The following ESCO2 variants were observed in gnomAD, a reference collection of about 807,000 sequenced individuals.
ESCO2 encodes the protein establishment of sister chromatid cohesion N-acetyltransferase 2.
A neutral mutation model predicts 61.7 loss-of-function variants in ESCO2; 51 were observed. The ratio of observed to expected loss-of-function variants is 0.83; its 90% confidence interval spans 0.66 to 1.04. The LOEUF (loss-of-function observed/expected upper bound fraction) is 1.04, where lower values mean the gene tolerates loss of function less well. Among genes scored for constraint, ESCO2 ranks in the 50% least tolerant of loss-of-function variants. The probability of loss-of-function intolerance (pLI) is 0.00; values close to 1 mark genes in which losing one functional copy is unlikely to be tolerated. For missense variants in ESCO2, 692 were observed against 686.2 expected (o/e 1.01, Z -0.09); for synonymous variants, 230 against 238.2 (o/e 0.97, Z 0.32).
rs772577005 is a variant in ESCO2 at position 27,788,960 on chromosome 8, G to GGAAGGAA, written c.1246_1252dup (p.Ile418ArgfsTer29). On this transcript the variant is annotated frameshift_variant, in exon 7 of 11. Transcript: ENST00000305188. LOFTEE classifies it high-confidence loss of function. Reference sequence around the variant, plus strand: ...ATGTACAGCATCACCACAGGTTTCTGGAAGGAATCAAATATGTGGTGAGCC... The same window carrying GGAAGGAA: ...ATGTACAGCATCACCACAGGTTTCTGGAAGGAAGAAGGAATCAAATATGTGGTGAGCC... 1 of 1,614,046 alleles carries GGAAGGAA rather than the reference G, an allele frequency of 6.2e-7. No individual in the cohort carries two copies. Among genetic ancestry groups the GGAAGGAA allele is most frequent in the Admixed American group, 1.7e-5 (1 of 60,012 alleles).
upstream of ESCO2, chr8:27,774,335 A>T (rs1490338002): frequency 6.6e-6 from 1 of 152,108 alleles, no homozygotes; most frequent in Admixed American, 6.5e-5. Flanking sequence ...GGCCCCGGGA[A>T]CGGAGTCCGG....
At chr8:27,792,536 G>T (rs971044026) in intron 8 of ESCO2, 132 bp from the exon 9 acceptor site, 6 of 933,178 alleles carry the variant, frequency 6.4e-6, no homozygotes, top group Non-Finnish European at 7.9e-6. Context: ...AATTTTGGAG[G>T]TGTATAAATT....
intron 9 of ESCO2, among the ~76,000 whole-genome samples, chr8:27,793,087 T>G (rs1805214044): frequency 6.6e-6 from 1 of 152,222 alleles, no homozygotes; most frequent in Admixed American, 6.5e-5. Context: ...ATCTATAAAC[T>G]GAAATTTTTA....
rs758994138 is a variant in ESCO2 at position 27,781,226 on chromosome 8, A to G, written c.955+959A>G. Among the ~76,000 whole-genome samples the G allele has an allele frequency of 1.3e-4, 19 of 151,578 alleles. 1 individual carries two copies. The highest frequency in any genetic ancestry group is 2.1e-4 in the Non-Finnish European group (14 of 68,032). On this transcript the variant is annotated intron_variant, in intron 4 of 10. Transcript: ENST00000305188. ...TAGGTCCTGATATGCCCATTTATAG[A>G]TGAGGAAATGGACTTGGGTTAAGTA...
At chr8:27,807,084 T>C (rs1458819800), downstream of ESCO2, among the ~76,000 whole-genome samples, 3 of 152,236 alleles carry the variant, frequency 2.0e-5, no homozygotes, top group Non-Finnish European at 4.4e-5. Flanking sequence ...AGTTTTCTTT[T>C]AGAATCTTAC....
intron 6 of ESCO2, 72 bp downstream of exon 6, chr8:27,788,074 C>A: frequency 9.8e-7 from 1 of 1,019,968 alleles, no homozygotes; most frequent in Non-Finnish European, 1.5e-6. Flanking sequence ...CTGTATTAGA[C>A]AGTTCAGAAC....
At chr8:27,800,697 T>C (rs2128957941) in intron 10 of ESCO2, among the ~76,000 whole-genome samples, 1 of 152,264 alleles carries the variant, frequency 6.6e-6, no homozygotes, top group South Asian at 2.1e-4. Context: ...GTGTAAATAA[T>C]CCAATCTGTG....
At position 27,777,139 on chromosome 8, in the gene ESCO2, A is replaced by G; in HGVS notation, c.831A>G (p.Ala277=). The change falls in exon 3 of 11, where the codon GCA becomes GCG. Residue 277 remains alanine, a synonymous_variant. Coordinates refer to ENST00000305188, the MANE Select transcript of ESCO2 (RefSeq NM_001017420.3). ...AATTGAAAATTGGACTACTGAGTGC[A>G]AGCAGTAAAAATAAAGAGAAATTAA... ...EEKLKIGLLS[A]SSKNKEKLIK... 1.3e-6 allele frequency: 2 copies of G among 1,599,852 alleles called. No homozygotes were observed. The highest frequency in any genetic ancestry group is 1.7e-6 in the Non-Finnish European group (2 of 1,176,772).
chr8:27,801,764 T>A (rs919879436), intron 10 of ESCO2, among the ~76,000 whole-genome samples: 2 of 152,154 alleles, frequency 1.3e-5, no homozygotes, highest in African/African-American at 2.4e-5. Context: ...ATTCTATGTT[T>A]AGATAACCTT....
chr8:27,799,516 T>C, intron 9 of ESCO2, 25 bp from the exon 10 acceptor site: 1 of 1,613,256 alleles, frequency 6.2e-7, no homozygotes, highest in Non-Finnish European at 8.5e-7. Context: ...GTGTTAGCTA[T>C]AGATGCTTCT....
At chr8:27,791,893 A>G (rs1585403175) in intron 7 of ESCO2, 70 bp from the exon 8 acceptor site, 1 of 1,346,354 alleles carries the variant, frequency 7.4e-7, no homozygotes. Flanking sequence ...TCTCCACATC[A>G]AATTATTTAA....
At chr8:27,780,355 C>T (rs777609703) in intron 4 of ESCO2, 88 bp downstream of exon 4, 19 of 940,052 alleles carry the variant, frequency 2.0e-5, no homozygotes, top group Non-Finnish European at 3.0e-5. Flanking sequence ...ATTTCTGGGT[C>T]TTTCTTTTTT....
At chr8:27,789,355 C>G (rs1805122392) in intron 7 of ESCO2, among the ~76,000 whole-genome samples, 1 of 152,166 alleles carries the variant, frequency 6.6e-6, no homozygotes, top group Non-Finnish European at 1.5e-5. Flanking sequence ...ATGATTGTAC[C>G]TGCTACTCAG....
In ESCO2 at chr8:27,803,331, C is replaced by G; in HGVS notation, c.1699C>G (p.Leu567Val). The change falls in exon 11 of 11, where the codon CTC becomes GTC. Residue 567 changes from leucine (L) to valine (V), a missense_variant. Leu to Val is a conservative substitution (Grantham distance 32). Coordinates refer to ENST00000305188, the MANE Select transcript of ESCO2 (RefSeq NM_001017420.3). ...GAATTGCTTCATGTTTGGCTGTTTTCTCAGCACTGATGAAATAGCATTTTC... is the reference window on the plus strand; with the variant it reads ...GAATTGCTTCATGTTTGGCTGTTTTGTCAGCACTGATGAAATAGCATTTTC... ...LRNCFMFGCF[L>V]STDEIAFSDP... 1 of 1,613,944 alleles carries G rather than the reference C, an allele frequency of 6.2e-7. No individual in the cohort carries two copies.
At chr8:27,772,225 C>G (rs1422019954), upstream of ESCO2, among the ~76,000 whole-genome samples, 5 of 152,258 alleles carry the variant, frequency 3.3e-5, no homozygotes, top group Non-Finnish European at 7.3e-5. Flanking sequence ...TCTGCCCAAT[C>G]CCAGGGAGTG....
intron 5 of ESCO2, among the ~76,000 whole-genome samples, chr8:27,785,169 A>G (rs1043497583): frequency 6.6e-6 from 1 of 152,262 alleles, no homozygotes; most frequent in Non-Finnish European, 1.5e-5. Flanking sequence ...GCAGAACAAG[A>G]GAGTGTGCAT....
chr8:27,809,887 CAA>C, downstream of ESCO2: 1 of 156,892 alleles, frequency 6.4e-6, no homozygotes, highest in African/African-American at 2.4e-5. Context: ...AACACATCAG[CAA>C]AAGGTTCAGT....
chr8:27,817,551 G>GTT (rs1554560035), downstream of ESCO2, among the ~76,000 whole-genome samples: 1 of 148,298 alleles, frequency 6.7e-6, no homozygotes, highest in African/African-American at 2.5e-5. Flanking sequence ...TTTTAACCCT[G>GTT]TTTTTTTTTT....
downstream of ESCO2, chr8:27,810,415 C>T (rs2128960627): frequency 6.2e-7 from 1 of 1,605,680 alleles, no homozygotes; most frequent in Non-Finnish European, 8.5e-7. Context: ...TATGATTCAT[C>T]CAGTTCTTCC....
Sources: allele counts gnomAD v4.1 joint callset (sites outside exome capture counted in the v4.1 genomes callset), GRCh38; gene constraint gnomAD v4.1.1; transcripts MANE v1.5; gene names NCBI Gene and HGNC (gene_info 2026-07-23, HGNC 2026-07-21).